The following SOX6 variants were observed in gnomAD, a reference collection of about 807,000 sequenced individuals.
SOX6 encodes the protein transcription factor SOX-6.
SOX6 carries 11 observed loss-of-function variants against 97.8 expected under a neutral mutation model. That is an observed-to-expected ratio of 0.11 (90% CI 0.07 to 0.19). SOX6 has a LOEUF of 0.19. Among genes scored for constraint, SOX6 ranks in the 10% least tolerant of loss-of-function variants. The probability of loss-of-function intolerance (pLI) is 1.00; values close to 1 mark genes in which losing one functional copy is unlikely to be tolerated. For synonymous variants in SOX6, 360 were observed against 371.4 expected (o/e 0.97, Z 0.35); for missense variants, 810 against 1,039.5 (o/e 0.78, Z 3.04).
rs562769320 is a variant in SOX6 at position 16,369,105 on chromosome 11, G to A, written c.-4-27853C>T. ...CAACCAAACAAAAAAGAATGTATAC[G>A]AATGACAATAAATATATGAAAAGAT... On this transcript the variant is annotated intron_variant, in intron 1 of 15. Transcript: ENST00000396356. Among the ~76,000 whole-genome samples, 12 of 151,882 alleles carry A rather than the reference G, an allele frequency of 7.9e-5. 1 individual carries two copies. The highest frequency in any genetic ancestry group is 2.2e-4 in the African/African-American group (9 of 41,444).
At position 16,333,918 on chromosome 11, in the gene SOX6, G is replaced by C. The variant is rs543232647; in HGVS notation, c.237+7094C>G. On this transcript the variant is annotated intron_variant, in intron 2 of 15. Coordinates refer to ENST00000683767, the MANE Select transcript of SOX6 (RefSeq NM_001367873.1). ...TATACACTAGCAGTACATAGGTAAA[G>C]TAAATGAAAACAAAATATCCATCAA... 2.4e-4 allele frequency among the ~76,000 whole-genome samples: 36 copies of C among 152,268 alleles called. No individual in the cohort carries two copies. The East Asian group carries it at 6.0e-3, about 25-fold the overall frequency.
chr11:16,440,767 AG>A (rs1384045770), intron 1 of SOX6, among the ~76,000 whole-genome samples: 3 of 152,174 alleles, frequency 2.0e-5, no homozygotes, highest in African/African-American at 7.2e-5. Context: ...TGGATTAAAA[AG>A]AAAAATGTAA....
chr11:16,621,640 A>G (rs1277644025), intron 3 of SOX6, among the ~76,000 whole-genome samples: 1 of 152,216 alleles, frequency 6.6e-6, no homozygotes, highest in Non-Finnish European at 1.5e-5. Flanking sequence ...ATAGAGTTTA[A>G]TAAATCAACT....
At chr11:16,413,429 G>A (rs987432058) in intron 1 of SOX6, among the ~76,000 whole-genome samples, 2 of 151,256 alleles carry the variant, frequency 1.3e-5, no homozygotes, top group African/African-American at 4.9e-5. Flanking sequence ...ACTGCTTAAA[G>A]GCCACTATAA....
upstream of SOX6, among the ~76,000 whole-genome samples, chr11:16,477,828 G>A (rs746862097): frequency 3.3e-5 from 5 of 152,116 alleles, no homozygotes; most frequent in Non-Finnish European, 5.9e-5. Context: ...GGTGCCTCAG[G>A]GCTTCTCCAG....
At chr11:15,985,987 T>C (rs1343815499) in intron 15 of SOX6, among the ~76,000 whole-genome samples, 1 of 152,180 alleles carries the variant, frequency 6.6e-6, no homozygotes, top group Non-Finnish European at 1.5e-5. Context: ...GGTGATCAGC[T>C]GGGAGTGAAC....
chr11:16,217,388 A>G (rs572911726), intron 4 of SOX6, among the ~76,000 whole-genome samples: 1 of 152,210 alleles, frequency 6.6e-6, no homozygotes, highest in Non-Finnish European at 1.5e-5. Flanking sequence ...AAAGAGTTAT[A>G]TAAGTTAGAA....
chr11:16,318,534 G>C lies in SOX6; in HGVS notation c.357C>G (p.Thr119=). The part of the protein sequence containing the change: ...REIMTSVTFG[T]PERRKGSLAD... ...CAAGACTCCCTTTGCGGCGCTCTGG[G>C]GTTCCAAAAGTAACACTGGTCATTA... Residue 119 remains threonine (T), a synonymous_variant, in exon 3 of 16, where the codon ACC becomes ACG. Coordinates refer to ENST00000683767, the MANE Select transcript of SOX6 (RefSeq NM_001367873.1). The C allele has an allele frequency of 6.2e-7, 1 of 1,613,568 alleles. No individual in the cohort carries two copies. Among genetic ancestry groups the C allele is most frequent in the Non-Finnish European group, 8.5e-7 (1 of 1,179,786 alleles).
At chr11:16,510,878 T>G (rs1860870853) in intron 4 of SOX6, among the ~76,000 whole-genome samples, 1 of 151,826 alleles carries the variant, frequency 6.6e-6, no homozygotes, top group Admixed American at 6.6e-5. Flanking sequence ...GATTGGGGAG[T>G]GGGTGATAGA....
intron 12 of SOX6, among the ~76,000 whole-genome samples, chr11:16,017,780 G>A (rs1854932755): frequency 6.6e-6 from 1 of 152,060 alleles, no homozygotes; most frequent in Non-Finnish European, 1.5e-5. Flanking sequence ...AATATAGACT[G>A]TGGGTGGCAA....
chr11:16,104,081 A>C (rs1024527195), intron 7 of SOX6, among the ~76,000 whole-genome samples: 8 of 152,012 alleles, frequency 5.3e-5, no homozygotes, highest in Admixed American at 5.3e-4. Flanking sequence ...ACAGAGGAGA[A>C]CACAGTTAAG....
intron 4 of SOX6, among the ~76,000 whole-genome samples, chr11:16,201,158 G>A (rs1377798561): frequency 6.6e-6 from 1 of 151,052 alleles, no homozygotes; most frequent in Non-Finnish European, 1.5e-5. Context: ...ATCATGTGAA[G>A]TCATTCATAA....
At chr11:16,268,968 C>T (rs1243152300) in intron 3 of SOX6, among the ~76,000 whole-genome samples, 1 of 149,986 alleles carries the variant, frequency 6.7e-6, no homozygotes, top group Non-Finnish European at 1.5e-5. Context: ...CCTTTATTAT[C>T]TCTGGATTCT....
intron 4 of SOX6, among the ~76,000 whole-genome samples, chr11:16,218,194 T>C (rs528826300): frequency 2.0e-5 from 3 of 152,132 alleles, no homozygotes; most frequent in East Asian, 1.9e-4. Flanking sequence ...GAATACAGAA[T>C]AGTCTTCAAA....
intron 15 of SOX6, among the ~76,000 whole-genome samples, chr11:15,974,348 C>CTT (rs1453513755): frequency 1.6e-4 from 13 of 82,838 alleles, no homozygotes; most frequent in African/African-American, 6.2e-4. Flanking sequence ...ACCTGCCATT[C>CTT]TTTTTTTTGT....
intron 6 of SOX6, among the ~76,000 whole-genome samples, chr11:16,117,291 T>C (rs1849373224): frequency 6.6e-6 from 1 of 150,414 alleles, no homozygotes; most frequent in Non-Finnish European, 1.5e-5. Context: ...AGGCAGAGGT[T>C]GCAGTGAGCC....
intron 1 of SOX6, among the ~76,000 whole-genome samples, chr11:16,455,833 A>G (rs1466475880): frequency 6.6e-6 from 1 of 152,114 alleles, no homozygotes; most frequent in African/African-American, 2.4e-5. Flanking sequence ...ATATGTATTT[A>G]TTACTATTAA....
At chr11:16,153,859 C>T (rs1850525990) in intron 6 of SOX6, among the ~76,000 whole-genome samples, 1 of 151,870 alleles carries the variant, frequency 6.6e-6, no homozygotes, top group Non-Finnish European at 1.5e-5. Flanking sequence ...AAAAAAAATC[C>T]AAATTGAGAT....
intron 4 of SOX6, among the ~76,000 whole-genome samples, chr11:16,195,662 C>A (rs1012267615): frequency 6.6e-6 from 1 of 152,198 alleles, no homozygotes; most frequent in Non-Finnish European, 1.5e-5. Flanking sequence ...AGACCAGATT[C>A]TCTGTATGCT....
Sources: allele counts gnomAD v4.1 joint callset (sites outside exome capture counted in the v4.1 genomes callset), GRCh38; gene constraint gnomAD v4.1.1; transcripts MANE v1.5; gene names NCBI Gene and HGNC (gene_info 2026-07-23, HGNC 2026-07-21).